PLXDC2: variants seen among roughly 807,000 people sequenced by gnomAD.
PLXDC2 encodes plexin domain containing 2.
A neutral mutation model predicts 68.9 loss-of-function variants in PLXDC2; 40 were observed. The observed-to-expected ratio is 0.58, with a 90% CI of 0.45 to 0.76. The LOEUF is 0.76. PLXDC2 is among the 30% of genes least tolerant of loss of function. The pLI, the probability that PLXDC2 is intolerant of heterozygous loss-of-function variation, is 0.00. For synonymous variants in PLXDC2, 243 were observed against 234.2 expected, an observed-to-expected ratio of 1.04 and a Z score of -0.34; for missense variants, 644 against 661.9, an observed-to-expected ratio of 0.97 and a Z score of 0.30.
chr10:20,246,691 C>T (rs1835600668), intron 13 of PLXDC2, among the ~76,000 whole-genome samples: 1 of 152,168 alleles, frequency 6.6e-6, no homozygotes, highest in Non-Finnish European at 1.5e-5. Flanking sequence ...GGAACCACTC[C>T]TCTTCCAACA....
At chr10:19,963,752 G>T (rs1834199929) in intron 1 of PLXDC2, among the ~76,000 whole-genome samples, 1 of 151,976 alleles carries the variant, frequency 6.6e-6, no homozygotes, top group African/African-American at 2.4e-5. Context: ...CGAGTTAATG[G>T]GTGGAGCACA....
intron 1 of PLXDC2, among the ~76,000 whole-genome samples, chr10:19,990,590 A>T (rs1009632467): frequency 6.6e-6 from 1 of 152,170 alleles, no homozygotes; most frequent in Non-Finnish European, 1.5e-5. Flanking sequence ...TTTAGTGCTT[A>T]ATTCTTAACT....
intron 1 of PLXDC2, among the ~76,000 whole-genome samples, chr10:19,929,728 C>G (rs4747389): frequency 0.81 from 122,624 of 152,158 alleles, 50,366 homozygotes; most frequent in East Asian, 0.94. Flanking sequence ...TCCAGGCACT[C>G]TGAAATATAA....
chr10:20,107,066 CTATA>C (rs960036146), intron 4 of PLXDC2, among the ~76,000 whole-genome samples: 9 of 147,294 alleles, frequency 6.1e-5, no homozygotes, highest in African/African-American at 2.2e-4. Flanking sequence ...ACACTATATG[CTATA>C]TATATAGTAT....
intron 2 of PLXDC2, among the ~76,000 whole-genome samples, chr10:20,028,979 A>G (rs11011747): frequency 3.3e-3 from 495 of 152,164 alleles, no homozygotes; most frequent in African/African-American, 0.011. Flanking sequence ...CTCAATTCAC[A>G]TTACTCCTGT....
At chr10:19,857,757 G>A (rs546820327) in intron 1 of PLXDC2, among the ~76,000 whole-genome samples, 298 of 152,252 alleles carry the variant, frequency 2.0e-3, no homozygotes, top group African/African-American at 6.4e-3. Flanking sequence ...GGCTGGACAC[G>A]CTTGGGTTCT....
intron 1 of PLXDC2, among the ~76,000 whole-genome samples, chr10:19,943,375 A>G (rs1169184415): frequency 6.6e-6 from 1 of 152,210 alleles, no homozygotes; most frequent in African/African-American, 2.4e-5. Flanking sequence ...TATTGGGTGA[A>G]TATTCTATGC....
At chr10:20,087,048 G>A (rs762812029) in intron 4 of PLXDC2, among the ~76,000 whole-genome samples, 6 of 152,076 alleles carry the variant, frequency 3.9e-5, no homozygotes, top group African/African-American at 7.2e-5. Flanking sequence ...TTCTGAAGAC[G>A]CAACAAAAAT....
chr10:19,950,279 A>G (rs1385126948), intron 1 of PLXDC2, among the ~76,000 whole-genome samples: 1 of 152,196 alleles, frequency 6.6e-6, no homozygotes, highest in African/African-American at 2.4e-5. Flanking sequence ...GACTCTACCA[A>G]AAGGTTCCAG....
intron 4 of PLXDC2, among the ~76,000 whole-genome samples, chr10:20,109,470 CATTAT>C (rs66665651): frequency 0.033 from 5,066 of 152,252 alleles, 281 homozygotes; most frequent in African/African-American, 0.12. Context: ...TGATACATTA[CATTAT>C]ATTTCCAGTG....
intron 13 of PLXDC2, among the ~76,000 whole-genome samples, chr10:20,252,438 C>G (rs183472506): frequency 6.6e-6 from 1 of 152,242 alleles, no homozygotes; most frequent in East Asian, 1.9e-4. Flanking sequence ...CTTAAATGGA[C>G]ACTAGACACT....
intron 5 of PLXDC2, among the ~76,000 whole-genome samples, chr10:20,143,979 A>G (rs1047920586): frequency 7.0e-6 from 1 of 143,832 alleles, no homozygotes; most frequent in Non-Finnish European, 1.5e-5. Flanking sequence ...CCCTGCTATT[A>G]CTTTTTGGGA....
intron 1 of PLXDC2, among the ~76,000 whole-genome samples, chr10:19,834,025 T>C (rs1278468892): frequency 6.6e-6 from 1 of 150,716 alleles, no homozygotes; most frequent in Non-Finnish European, 1.5e-5. Context: ...ATATGGGCAA[T>C]AGAAGTGGAC....
rs1172409751 is a variant in PLXDC2, at chr10:19,999,744, G to A, written c.113-2031G>A. Among the ~76,000 whole-genome samples, 4 of 152,250 alleles carry A rather than the reference G, an allele frequency of 2.6e-5. No individual in the cohort carries two copies. The East Asian group carries it at 7.7e-4, about 29-fold the overall frequency. On this transcript the variant is annotated intron_variant, in intron 1 of 13. Coordinates refer to ENST00000377252, the MANE Select transcript of PLXDC2 (RefSeq NM_032812.9). ...TAAAGTTTTATTGCTGGGTTATAAGGTGCCTCATGTATGTTTGGTAATGAA... is the reference window on the plus strand; with the variant it reads ...TAAAGTTTTATTGCTGGGTTATAAGATGCCTCATGTATGTTTGGTAATGAA...
chr10:20,226,423 A>T (rs1038827730), intron 12 of PLXDC2, among the ~76,000 whole-genome samples: 11 of 152,192 alleles, frequency 7.2e-5, no homozygotes, highest in African/African-American at 2.7e-4. Context: ...TAAGCTGTTG[A>T]CAAATGTATT....
chr10:19,961,386 C>G (rs202241023), intron 1 of PLXDC2, among the ~76,000 whole-genome samples: 1 of 152,214 alleles, frequency 6.6e-6, no homozygotes, highest in Non-Finnish European at 1.5e-5. Flanking sequence ...GTATGTGTAA[C>G]TTGAAAACCT....
intron 1 of PLXDC2, among the ~76,000 whole-genome samples, chr10:19,835,341 C>G (rs1018127239): frequency 6.6e-6 from 1 of 152,158 alleles, no homozygotes; most frequent in Non-Finnish European, 1.5e-5. Flanking sequence ...TTCAGCACTA[C>G]TGGATCAATA....
chr10:20,180,896 C>G (rs1015430816), intron 9 of PLXDC2, among the ~76,000 whole-genome samples: 1 of 152,006 alleles, frequency 6.6e-6, no homozygotes, highest in Admixed American at 6.6e-5. Context: ...TAATCAATCA[C>G]TTTCAACTGT....
chr10:20,200,165 G>T (rs1034004942), intron 9 of PLXDC2, among the ~76,000 whole-genome samples: 2 of 151,704 alleles, frequency 1.3e-5, no homozygotes, highest in Admixed American at 1.3e-4. Flanking sequence ...TAGTATTAAA[G>T]GGAAAATTAC....
Sources: allele counts gnomAD v4.1 joint callset (sites outside exome capture counted in the v4.1 genomes callset), GRCh38; gene constraint gnomAD v4.1.1; transcripts MANE v1.5; gene names NCBI Gene and HGNC (gene_info 2026-07-23, HGNC 2026-07-21).